Variants in CNTN3 observed in about 807,000 individuals in gnomAD.
CNTN3 encodes the protein contactin-3.
CNTN3 carries 60 observed loss-of-function variants against 119.1 expected under a neutral mutation model. That is an observed-to-expected ratio of 0.50 (90% CI 0.41 to 0.62). The LOEUF (loss-of-function observed/expected upper bound fraction) is 0.62. CNTN3 is among the 20% of genes least tolerant of loss of function. The pLI is 0.00. For missense variants in CNTN3, 1,101 were observed against 1,242.4 expected (o/e 0.89, Z 1.71); for synonymous variants, 450 against 438.7 (o/e 1.03, Z -0.32).
At chr3:74,281,684 T>C (rs1350157195) in intron 20 of CNTN3, among the ~76,000 whole-genome samples, 1 of 152,100 alleles carries the variant, frequency 6.6e-6, no homozygotes, top group African/African-American at 2.4e-5. Flanking sequence ...AAAAGTAAGA[T>C]TCTGGATCTA....
intron 11 of CNTN3, among the ~76,000 whole-genome samples, chr3:74,342,618 C>T (rs776112118): frequency 4.6e-5 from 7 of 152,168 alleles, no homozygotes; most frequent in Non-Finnish European, 8.8e-5. Context: ...AACAGGTCCA[C>T]ATATTCATAA....
At chr3:74,474,917 C>T (rs1226900738) in intron 4 of CNTN3, among the ~76,000 whole-genome samples, 6 of 152,170 alleles carry the variant, frequency 3.9e-5, no homozygotes, top group Non-Finnish European at 8.8e-5. Context: ...GGCAATGTGA[C>T]ATGCCTGCTC....
intron 20 of CNTN3, among the ~76,000 whole-genome samples, chr3:74,281,504 C>T (rs561570331): frequency 3.9e-5 from 6 of 151,942 alleles, no homozygotes; most frequent in African/African-American, 1.2e-4. Flanking sequence ...CTGGTTAATT[C>T]TCTTATATTT....
chr3:74,577,658 C>T (rs1380257484), intron 1 of CNTN3, among the ~76,000 whole-genome samples: 1 of 150,058 alleles, frequency 6.7e-6, no homozygotes, highest in Non-Finnish European at 1.5e-5. Context: ...CAACCTATTG[C>T]CTTTTTTTTA....
chr3:74,469,639 C>T (rs1702524493), intron 4 of CNTN3, among the ~76,000 whole-genome samples: 1 of 152,100 alleles, frequency 6.6e-6, no homozygotes, highest in South Asian at 2.1e-4. Context: ...TAAATGAAAA[C>T]CACAATACGA....
chr3:74,408,658 T>C (rs1575697008), intron 5 of CNTN3, among the ~76,000 whole-genome samples: 1 of 152,098 alleles, frequency 6.6e-6, no homozygotes, highest in East Asian at 1.9e-4. Flanking sequence ...TATTAAACCT[T>C]TGTAATTAGA....
intron 1 of CNTN3, among the ~76,000 whole-genome samples, chr3:74,541,821 TA>T (rs1703846785): frequency 6.6e-6 from 1 of 152,244 alleles, no homozygotes; most frequent in Admixed American, 6.5e-5. Flanking sequence ...CTGAACTCTA[TA>T]AAGCTGTAGA....
At chr3:74,478,117 T>C (rs1474603866) in intron 4 of CNTN3, among the ~76,000 whole-genome samples, 3 of 152,234 alleles carry the variant, frequency 2.0e-5, no homozygotes, top group Non-Finnish European at 2.9e-5. Context: ...CAAATGTAAA[T>C]GTTAGAAAAC....
chr3:74,405,622 C>G (rs1559585574), intron 5 of CNTN3, among the ~76,000 whole-genome samples: 1 of 152,002 alleles, frequency 6.6e-6, no homozygotes, highest in Non-Finnish European at 1.5e-5. Flanking sequence ...AAATTGTTAT[C>G]TTTACAATAA....
At chr3:74,452,155 T>C (rs1316236614) in intron 4 of CNTN3, among the ~76,000 whole-genome samples, 1 of 142,364 alleles carries the variant, frequency 7.0e-6, no homozygotes, top group Non-Finnish European at 1.5e-5. Context: ...GAGCATGGAA[T>C]GTTCTTCCAT....
chr3:74,467,781 A>G (rs1244801498), intron 4 of CNTN3, among the ~76,000 whole-genome samples: 2 of 152,178 alleles, frequency 1.3e-5, no homozygotes, highest in Non-Finnish European at 2.9e-5. Flanking sequence ...TAGACAAGAA[A>G]TTGCTTTTTA....
chr3:74,484,830 A>G (rs992436957), intron 4 of CNTN3, among the ~76,000 whole-genome samples: 1 of 152,184 alleles, frequency 6.6e-6, no homozygotes, highest in Non-Finnish European at 1.5e-5. Context: ...AAGACTCAAC[A>G]TTTATTATCA....
At chr3:74,365,174 C>T (rs1704160132) in intron 9 of CNTN3, among the ~76,000 whole-genome samples, 1 of 151,982 alleles carries the variant, frequency 6.6e-6, no homozygotes, top group African/African-American at 2.4e-5. Context: ...TAAGTACTTA[C>T]ATAACAAGGT....
At chr3:74,464,569 T>A (rs1702428318) in intron 4 of CNTN3, among the ~76,000 whole-genome samples, 1 of 152,170 alleles carries the variant, frequency 6.6e-6, no homozygotes, top group Non-Finnish European at 1.5e-5. Flanking sequence ...CCAGAGGACA[T>A]TAGTCACAAA....
At chr3:74,538,868 T>G (rs1703801259) in intron 1 of CNTN3, among the ~76,000 whole-genome samples, 1 of 152,024 alleles carries the variant, frequency 6.6e-6, no homozygotes, top group African/African-American at 2.4e-5. Context: ...AGATTCCAGG[T>G]TGATATTTAG....
rs1351932900 is a variant in CNTN3 at position 74,439,356 on chromosome 3, A to G, written c.359-14416T>C. Among the ~76,000 whole-genome samples the G allele has an allele frequency of 6.6e-5, 10 of 152,212 alleles. No homozygotes were observed. In the South Asian group the frequency reaches 1.9e-3, roughly 28 times the overall value. On this transcript the variant is annotated intron_variant, in intron 4 of 22. Coordinates refer to ENST00000263665, the MANE Select transcript of CNTN3 (RefSeq NM_020872.3). The stretch of plus-strand genomic sequence containing the variant: ...ACCCCACCTCTACTAAAAATACAAA[A>G]ATTAGCCAGGCGTGGTGGCACATGC...
At position 74,462,855 on chromosome 3, in the gene CNTN3, T is replaced by G. The variant is rs142094389; in HGVS notation, c.358+23601A>C. ...TCCTCACATTATTTAAAGACCTACATGTTTTTGAAATGCAGAAACAATCAG... is the reference window on the plus strand; with the variant it reads ...TCCTCACATTATTTAAAGACCTACAGGTTTTTGAAATGCAGAAACAATCAG... On this transcript the variant is annotated intron_variant, in intron 4 of 22. Transcript: ENST00000263665. Among the ~76,000 whole-genome samples, 829 of 152,282 alleles carry G rather than the reference T, an allele frequency of 5.4e-3. 10 individuals carry two copies. Among genetic ancestry groups the G allele is most frequent in the African/African-American group, 0.018 (762 of 41,572 alleles).
At chr3:74,488,731 A>C (rs1238229483) in intron 3 of CNTN3, among the ~76,000 whole-genome samples, 3 of 152,228 alleles carry the variant, frequency 2.0e-5, no homozygotes, top group Non-Finnish European at 4.4e-5. Flanking sequence ...GTCTTAAAGC[A>C]ACATTTTTAA....
At chr3:74,375,178 G>A (rs1427795516) in intron 5 of CNTN3, among the ~76,000 whole-genome samples, 1 of 152,110 alleles carries the variant, frequency 6.6e-6, no homozygotes, top group Non-Finnish European at 1.5e-5. Context: ...AATCAAGAGA[G>A]TAAAGATCCT....
Sources: allele counts gnomAD v4.1 joint callset (sites outside exome capture counted in the v4.1 genomes callset), GRCh38; gene constraint gnomAD v4.1.1; transcripts MANE v1.5; gene names NCBI Gene and HGNC (gene_info 2026-07-23, HGNC 2026-07-21).